Variants in ASCC3 observed in about 807,000 individuals in gnomAD.
ASCC3 encodes the protein ASC-1 complex subunit P200.
ASCC3 carries 158 observed loss-of-function variants against 256.3 expected under a neutral mutation model. That is an observed-to-expected ratio of 0.62 (90% CI 0.54 to 0.70). The LOEUF (loss-of-function observed/expected upper bound fraction) is 0.70, where lower values mean the gene tolerates loss of function less well. ASCC3 is among the 30% of genes least tolerant of loss of function. The probability of loss-of-function intolerance (pLI) is 0.00; values close to 1 mark genes in which losing one functional copy is unlikely to be tolerated. For synonymous variants in ASCC3, 948 were observed against 883.4 expected (o/e 1.07, Z -1.30); for missense variants, 2,259 against 2,626.0 (o/e 0.86, Z 3.05).
At chr6:100,659,674 T>C (rs1474190593) in intron 16 of ASCC3, among the ~76,000 whole-genome samples, 1 of 151,504 alleles carries the variant, frequency 6.6e-6, no homozygotes, top group African/African-American at 2.4e-5. Context: ...GAAAAAGAGT[T>C]ACTTGAAGAA....
rs957110311 is a variant in ASCC3, at chr6:100,512,798, G to T, written c.6196C>A (p.Arg2066=). Residue 2066 remains arginine, a synonymous_variant, in exon 40 of 42, where the codon CGA becomes AGA. Transcript: ENST00000369162. ...LSVSTLTADK[R]DDNKWIKLHA... ...AATTTGATCCATTTGTTGTCATCTC[G>T]TTTGTCTGCAGTCAGAGTTGAGACA... 5 of 1,614,090 alleles carry T rather than the reference G, an allele frequency of 3.1e-6. No individual in the cohort carries two copies. Among genetic ancestry groups the T allele is most frequent in the Non-Finnish European group, 4.2e-6 (5 of 1,180,000 alleles).
intron 4 of ASCC3, among the ~76,000 whole-genome samples, chr6:100,836,288 T>C (rs888467959): frequency 6.6e-6 from 1 of 151,892 alleles, no homozygotes; most frequent in African/African-American, 2.4e-5. Flanking sequence ...AAGTACTATG[T>C]TGAATAGAAG....
chr6:100,704,542 T>A (rs867418397), intron 13 of ASCC3, among the ~76,000 whole-genome samples: 5 of 152,024 alleles, frequency 3.3e-5, no homozygotes, highest in Non-Finnish European at 7.4e-5. Flanking sequence ...ATAATTAAAC[T>A]AAGAAATAAT....
intron 14 of ASCC3, among the ~76,000 whole-genome samples, chr6:100,665,952 CCT>C (rs967273045): frequency 3.9e-5 from 6 of 151,968 alleles, no homozygotes; most frequent in African/African-American, 1.2e-4. Context: ...AAAAAAACCC[CCT>C]CATGCTATTT....
chr6:100,771,534 G>A (rs9498362), intron 8 of ASCC3, among the ~76,000 whole-genome samples: 373 of 16,194 alleles, frequency 0.023, 3 homozygotes, highest in African/African-American at 0.032. Flanking sequence ...GTGCTTATAC[G>A]TAGAATAAAA....
chr6:100,613,306 T>C (rs1317606034), intron 30 of ASCC3, among the ~76,000 whole-genome samples: 1 of 152,072 alleles, frequency 6.6e-6, no homozygotes, highest in African/African-American at 2.4e-5. Flanking sequence ...CATCCATTTG[T>C]ATAAATTAAA....
At position 100,700,830 on chromosome 6, in the gene ASCC3, T is replaced by A. The variant is rs184599455; in HGVS notation, c.2151+14632A>T. Among the ~76,000 whole-genome samples, 282 of 152,350 alleles carry A rather than the reference T, an allele frequency of 1.9e-3. 2 individuals are homozygous for A. The highest frequency in any genetic ancestry group is 0.016 in the Admixed American group (238 of 15,302). On this transcript the variant is annotated intron_variant, in intron 13 of 41. Coordinates refer to ENST00000369162, the MANE Select transcript of ASCC3 (RefSeq NM_006828.4). Reference sequence around the variant, plus strand: ...CCTGTACCCCATTGTATCTAGGAAGTAACTAACTTGCTTTTGATTTTACAA... The same window carrying A: ...CCTGTACCCCATTGTATCTAGGAAGAAACTAACTTGCTTTTGATTTTACAA...
At chr6:100,782,819 G>T (rs1177336385) in intron 8 of ASCC3, among the ~76,000 whole-genome samples, 3 of 151,910 alleles carry the variant, frequency 2.0e-5, no homozygotes, top group Admixed American at 1.3e-4. Flanking sequence ...CTATTTTATT[G>T]TCCAAATTTG....
chr6:100,848,184 A>G lies in ASCC3; in HGVS notation c.765T>C (p.Leu255=). 3 of 1,603,068 alleles carry G rather than the reference A, an allele frequency of 1.9e-6. No individual in the cohort carries two copies. The highest frequency in any genetic ancestry group is 2.6e-6 in the Non-Finnish European group (3 of 1,176,276). ...GTTCATCACCACTTTTAATAGAAGC[A>G]AGCATATCATATAAAGTACAGCAAA... ...EDLCCTLYDM[L]ASIKSGDELQ... The change falls in exon 4 of 42, where the codon CTT becomes CTC. Residue 255 remains leucine (L), a synonymous_variant. Transcript: ENST00000369162.
intron 34 of ASCC3, among the ~76,000 whole-genome samples, chr6:100,598,944 A>G (rs1772452928): frequency 6.6e-6 from 1 of 152,200 alleles, no homozygotes. Context: ...GGAAGATCAA[A>G]AAGCAAACTT....
chr6:100,673,479 T>C (rs982823173), intron 14 of ASCC3, among the ~76,000 whole-genome samples: 3 of 152,142 alleles, frequency 2.0e-5, no homozygotes, highest in Admixed American at 6.6e-5. Context: ...TATTAATTTA[T>C]TGTAAGAAAT....
chr6:100,635,873 A>G (rs2114877364), intron 25 of ASCC3, among the ~76,000 whole-genome samples: 1 of 152,258 alleles, frequency 6.6e-6, no homozygotes, highest in East Asian at 1.9e-4. Context: ...TAATCAAACT[A>G]TATTAAAGCA....
chr6:100,606,620 G>T, intron 32 of ASCC3, 120 bp downstream of exon 32: 1 of 1,160,804 alleles, frequency 8.6e-7, no homozygotes, highest in Non-Finnish European at 1.2e-6. Context: ...CTTATCATCT[G>T]TTTAAATGTG....
At chr6:100,755,127 T>G (rs1781117217) in intron 10 of ASCC3, among the ~76,000 whole-genome samples, 1 of 152,082 alleles carries the variant, frequency 6.6e-6, no homozygotes, top group South Asian at 2.1e-4. Context: ...CTGGGTTTCT[T>G]AAAACTCTCA....
chr6:100,805,946 A>C (rs1770159321), intron 4 of ASCC3, 66 bp from the exon 5 acceptor site: 13 of 1,513,848 alleles, frequency 8.6e-6, no homozygotes, highest in Non-Finnish European at 1.2e-5. Context: ...CAAGTTATTA[A>C]CAACCTATTC....
intron 24 of ASCC3, among the ~76,000 whole-genome samples, 181 bp from the exon 25 acceptor site, chr6:100,639,002 AT>A (rs150632858): frequency 0.014 from 2,142 of 152,302 alleles, 40 homozygotes; most frequent in African/African-American, 0.049. Context: ...AAGTAACCAC[AT>A]TTACCATATT....
intron 16 of ASCC3, 96 bp downstream of exon 16, chr6:100,661,710 A>G (rs1394678633): frequency 4.7e-6 from 6 of 1,272,644 alleles, no homozygotes; most frequent in Non-Finnish European, 6.8e-6. Flanking sequence ...CTGTAATCCT[A>G]AACACTACAA....
intron 37 of ASCC3, among the ~76,000 whole-genome samples, chr6:100,532,455 A>G (rs1370678919): frequency 1.6e-5 from 2 of 121,772 alleles, no homozygotes; most frequent in Admixed American, 1.9e-4. Flanking sequence ...AGCTGCTTTT[A>G]TGCTGAAAAT....
chr6:100,519,238 T>C (rs1774184400), intron 37 of ASCC3, among the ~76,000 whole-genome samples: 1 of 152,250 alleles, frequency 6.6e-6, no homozygotes, highest in South Asian at 2.1e-4. Flanking sequence ...TTTCTTAGTA[T>C]ATTACAGAGA....
Sources: gnomAD v4.1 joint callset for allele counts (sites outside exome capture counted in the v4.1 genomes callset) on GRCh38, gnomAD v4.1.1 for gene constraint, MANE v1.5 for transcripts, NCBI Gene and HGNC (gene_info 2026-07-23, HGNC 2026-07-21) for gene names.